Variants in CUX1 observed in about 807,000 individuals in gnomAD.
CUX1 encodes the protein cut like homeobox 1.
CUX1 carries 31 observed loss-of-function variants against 158.8 expected under a neutral mutation model. The observed-to-expected ratio is 0.20, with a 90% CI of 0.15 to 0.26. The LOEUF (loss-of-function observed/expected upper bound fraction) is 0.26, where lower values mean the gene tolerates loss of function less well. Among genes scored for constraint, CUX1 ranks in the 10% least tolerant of loss-of-function variants. The pLI is 1.00. For missense variants in CUX1, 1,589 were observed against 2,014.6 expected, an observed-to-expected ratio of 0.79 and a Z score of 4.04; for synonymous variants, 879 against 862.1, an observed-to-expected ratio of 1.02 and a Z score of -0.34.
chr7:102,027,005 C>G (rs1192680456), intron 2 of CUX1, among the ~76,000 whole-genome samples: 1 of 151,984 alleles, frequency 6.6e-6, no homozygotes, highest in Non-Finnish European at 1.5e-5. Context: ...TCGAAATGGG[C>G]ACTGGTGGCA....
At chr7:102,150,511 C>T (rs1225933385) in intron 8 of CUX1, among the ~76,000 whole-genome samples, 1 of 152,200 alleles carries the variant, frequency 6.6e-6, no homozygotes, top group Non-Finnish European at 1.5e-5. Flanking sequence ...TTGAAGGCCG[C>T]TCTGTATGTT....
chr7:102,210,890 G>A lies in CUX1; in HGVS notation c.3130+5720G>A, dbSNP rs543735332. Among the ~76,000 whole-genome samples, 9 of 152,246 alleles carry A rather than the reference G, an allele frequency of 5.9e-5. No homozygotes were observed. The East Asian group carries it at 1.2e-3, about 20-fold the overall frequency. ...TCCCCTTGGCTGCAGCCCCTATCGC[G>A]GACAGGTCCACGTTCCTTTTGAATG... On this transcript the variant is annotated intron_variant, in intron 20 of 23. Transcript: ENST00000292535.
intron 19 of CUX1, among the ~76,000 whole-genome samples, 166 bp from the exon 20 acceptor site, chr7:102,204,947 CG>C (rs1322490601): frequency 6.6e-6 from 1 of 152,214 alleles, no homozygotes; most frequent in African/African-American, 2.4e-5. Context: ...GCTCCCGGCC[CG>C]GGGGCCTGGC....
intron 8 of CUX1, among the ~76,000 whole-genome samples, chr7:102,128,596 A>T (rs1232994465): frequency 6.6e-6 from 1 of 151,470 alleles, no homozygotes; most frequent in African/African-American, 2.4e-5. Flanking sequence ...GGGTCGCAAC[A>T]TCGTAAAGAC....
chr7:101,944,013 C>T (rs1157144329), intron 2 of CUX1, among the ~76,000 whole-genome samples: 1 of 150,356 alleles, frequency 6.7e-6, no homozygotes, highest in African/African-American at 2.4e-5. Context: ...AGGTTCTTGC[C>T]AAAGCCTCTA....
intron 20 of CUX1, among the ~76,000 whole-genome samples, chr7:102,219,055 A>AAGACACACAC (rs1335700833): frequency 7.9e-6 from 1 of 126,248 alleles, no homozygotes; most frequent in South Asian, 2.9e-4. Flanking sequence ...CCTGCCTCAA[A>AAGACACACAC]ACACACACAC....
rs1163960296 is a variant in CUX1, at chr7:101,916,606, T to A, written c.141+381T>A. 9.4e-6 allele frequency: 2 copies of A among 212,166 alleles called. No homozygotes were observed. Among genetic ancestry groups the A allele is most frequent in the African/African-American group, 4.5e-5 (2 of 44,378 alleles). 13.1% of individuals were successfully genotyped at this position (212,166 alleles called of 1,614,324 possible). A position where few individuals can be genotyped will look rare whatever the true frequency, so the allele number is the denominator to read the frequency against. On this transcript the variant is annotated intron_variant, in intron 2 of 23. Coordinates refer to ENST00000292535, the MANE Select transcript of CUX1 (RefSeq NM_181552.4). This position sits in a 1 kb window ranked among gnomAD's most constrained non-coding sequence, Gnocchi z 4.4. ...ATAAGGGATCCTGTGGGGTGGAAGG[T>A]CCGCGGGGCCTGCTTCCCTGTTGCT...
chr7:101,919,894 G>A (rs1188552549), intron 2 of CUX1, among the ~76,000 whole-genome samples: 1 of 152,138 alleles, frequency 6.6e-6, no homozygotes, highest in African/African-American at 2.4e-5. Context: ...GAAGCCACAG[G>A]AACATCAGGA....
intron 21 of CUX1, chr7:102,281,938 C>T (rs530491352): frequency 1.3e-5 from 21 of 1,571,674 alleles, no homozygotes; most frequent in South Asian, 5.5e-5. Flanking sequence ...TGCACACGGG[C>T]GGGCCAGAGG....
intron 22 of CUX1, among the ~76,000 whole-genome samples, chr7:102,236,315 G>A (rs1162647501): frequency 6.6e-6 from 1 of 152,196 alleles, no homozygotes; most frequent in East Asian, 1.9e-4. Context: ...GCTCTGGCCT[G>A]CCCTTGGGCC....
chr7:102,065,908 A>G (rs1206198684), intron 3 of CUX1, among the ~76,000 whole-genome samples: 2 of 150,020 alleles, frequency 1.3e-5, no homozygotes, highest in Non-Finnish European at 3.0e-5. Context: ...CTCCTGTCTC[A>G]GCCTCCTGAG....
chr7:102,218,855 C>A (rs1341212125), intron 20 of CUX1, among the ~76,000 whole-genome samples: 1 of 151,826 alleles, frequency 6.6e-6, no homozygotes, highest in Non-Finnish European at 1.5e-5. Flanking sequence ...GAGTTCAAGA[C>A]CAGCTTGGGC....
chr7:101,875,832 T>C (rs528673772), intron 1 of CUX1, among the ~76,000 whole-genome samples: 16 of 152,244 alleles, frequency 1.1e-4, no homozygotes, highest in African/African-American at 3.9e-4. Context: ...TAGCACTCTT[T>C]TTTTTTTTCC....
At chr7:102,159,722 G>T (rs568414901) in intron 9 of CUX1, among the ~76,000 whole-genome samples, 3 of 152,084 alleles carry the variant, frequency 2.0e-5, no homozygotes, top group African/African-American at 7.2e-5. Context: ...TTAGCAAGGC[G>T]TGGTGGCAGG....
chr7:102,098,291 A>G (rs201460), intron 5 of CUX1, among the ~76,000 whole-genome samples: 45,278 of 152,166 alleles, frequency 0.3, 7,960 homozygotes, highest in African/African-American at 0.48. Flanking sequence ...GTGGCCTTCC[A>G]TTGACCATTT....
intron 8 of CUX1, among the ~76,000 whole-genome samples, chr7:102,147,167 A>G (rs1554502333): frequency 6.6e-6 from 1 of 152,026 alleles, no homozygotes; most frequent in African/African-American, 2.4e-5. Context: ...GACACATTTG[A>G]TCCGGGGCTT....
At chr7:102,107,925 C>G (rs1830532833) in intron 6 of CUX1, among the ~76,000 whole-genome samples, 1 of 152,228 alleles carries the variant, frequency 6.6e-6, no homozygotes, top group Non-Finnish European at 1.5e-5. Flanking sequence ...GGGAGCGCGG[C>G]AGGGCACAGA....
chr7:102,265,052 C>T (rs1790699586), intron 14 of CUX1: 2 of 152,282 alleles, frequency 1.3e-5, no homozygotes, highest in Admixed American at 1.3e-4. Flanking sequence ...TTAGGGCAAC[C>T]CATGTAAGAA....
chr7:102,013,166 G>A (rs76758265), intron 2 of CUX1, among the ~76,000 whole-genome samples: 5,622 of 149,594 alleles, frequency 0.038, 368 homozygotes, highest in African/African-American at 0.13. Context: ...TATGAATGAC[G>A]TTACTGTCTT....
Sources: gnomAD v4.1 joint callset for allele counts (sites outside exome capture counted in the v4.1 genomes callset) on GRCh38, gnomAD v4.1.1 for gene constraint, Gnocchi (gnomAD v3.1) non-coding constraint, MANE v1.5 for transcripts, NCBI Gene and HGNC (gene_info 2026-07-23, HGNC 2026-07-21) for gene names.